THRB: variants seen among roughly 807,000 people sequenced by gnomAD.
THRB encodes nuclear receptor subfamily 1 group A member 2.
Under a neutral mutation model 47.8 loss-of-function variants are expected in THRB, and 12 were observed. The ratio of observed to expected loss-of-function variants is 0.25; its 90% CI spans 0.16 to 0.41. The LOEUF (loss-of-function observed/expected upper bound fraction) is 0.41, where lower values mean the gene tolerates loss of function less well. Ranked by LOEUF, THRB falls within the 10% of genes least tolerant of loss-of-function variation. The probability of loss-of-function intolerance (pLI) is 1.00; values close to 1 mark genes in which losing one functional copy is unlikely to be tolerated. For missense variants in THRB, 348 were observed against 589.2 expected, an observed-to-expected ratio of 0.59 and a Z score of 4.24; for synonymous variants, 218 against 212.2, an observed-to-expected ratio of 1.03 and a Z score of -0.24.
intron 1 of THRB, among the ~76,000 whole-genome samples, chr3:24,412,334 T>C (rs2068370291): frequency 6.6e-6 from 1 of 151,812 alleles, no homozygotes; most frequent in Non-Finnish European, 1.5e-5. Context: ...TGTGATAAAA[T>C]ACATGTCTTC....
intron 5 of THRB, among the ~76,000 whole-genome samples, chr3:24,156,305 A>T (rs1326213020): frequency 6.6e-6 from 1 of 152,204 alleles, no homozygotes; most frequent in Non-Finnish European, 1.5e-5. Flanking sequence ...GGCTAGTTTA[A>T]TTCTTTTGAG....
intron 2 of THRB, among the ~76,000 whole-genome samples, chr3:24,299,197 G>A (rs2056707997): frequency 7.1e-6 from 1 of 141,650 alleles, no homozygotes. Context: ...GCAGTGAGCC[G>A]AGATAGTGCC....
At chr3:24,171,133 G>A (rs372586447) in intron 5 of THRB, among the ~76,000 whole-genome samples, 4 of 152,294 alleles carry the variant, frequency 2.6e-5, no homozygotes, top group African/African-American at 4.8e-5. Flanking sequence ...TACTCAAATT[G>A]AGGAAAGTTT....
intron 1 of THRB, among the ~76,000 whole-genome samples, chr3:24,491,026 G>C (rs1334227243): frequency 6.6e-6 from 1 of 152,100 alleles, no homozygotes; most frequent in Non-Finnish European, 1.5e-5. Context: ...TATTTCATAC[G>C]AGTATATACT....
intron 9 of THRB, among the ~76,000 whole-genome samples, chr3:24,129,066 G>A (rs1319086579): frequency 6.6e-6 from 1 of 151,862 alleles, no homozygotes; most frequent in African/African-American, 2.4e-5. Context: ...AAAATACTGG[G>A]CATTTTATGT....
intron 1 of THRB, among the ~76,000 whole-genome samples, chr3:24,386,951 A>G (rs1408805590): frequency 6.6e-6 from 1 of 152,142 alleles, no homozygotes; most frequent in Non-Finnish European, 1.5e-5. Flanking sequence ...CATTCATATT[A>G]GCTATTATTG....
At chr3:24,357,101 C>T (rs2063721944) in intron 1 of THRB, among the ~76,000 whole-genome samples, 3 of 150,078 alleles carry the variant, frequency 2.0e-5, no homozygotes, top group South Asian at 2.1e-4. Flanking sequence ...AGGCACCTGA[C>T]CTGAAGATTG....
chr3:24,175,084 A>G (rs2040966767), intron 5 of THRB, among the ~76,000 whole-genome samples: 1 of 152,236 alleles, frequency 6.6e-6, no homozygotes, highest in Non-Finnish European at 1.5e-5. Context: ...CATGTCAGAC[A>G]AGGGAATTTA....
intron 2 of THRB, among the ~76,000 whole-genome samples, chr3:24,327,951 C>T (rs183872083): frequency 1.7e-3 from 266 of 152,150 alleles, no homozygotes; most frequent in Admixed American, 2.9e-3. Flanking sequence ...AAAAAGAGTT[C>T]TTAAAAATCA....
intron 2 of THRB, among the ~76,000 whole-genome samples, chr3:24,306,769 C>A (rs2057369049): frequency 6.6e-6 from 1 of 152,110 alleles, no homozygotes; most frequent in South Asian, 2.1e-4. Context: ...GATACACAAC[C>A]CTGTAACCAC....
intron 1 of THRB, among the ~76,000 whole-genome samples, chr3:24,392,742 T>C (rs1003611974): frequency 1.9e-4 from 29 of 152,150 alleles, no homozygotes; most frequent in African/African-American, 7.0e-4. Flanking sequence ...GTTATAGTTA[T>C]ATGAGTAACA....
At chr3:24,289,146 C>T (rs2055654904) in intron 3 of THRB, among the ~76,000 whole-genome samples, 1 of 152,268 alleles carries the variant, frequency 6.6e-6, no homozygotes, top group African/African-American at 2.4e-5. Context: ...GGCAAGTGGA[C>T]AGACGAGGGC....
chr3:24,148,448 G>C (rs1238503460), intron 6 of THRB, among the ~76,000 whole-genome samples: 1 of 152,128 alleles, frequency 6.6e-6, no homozygotes, highest in Non-Finnish European at 1.5e-5. Flanking sequence ...TTTTAGTAGA[G>C]ATGCGTTTTT....
intron 1 of THRB, among the ~76,000 whole-genome samples, chr3:24,385,102 T>A (rs1341852703): frequency 6.6e-6 from 1 of 151,970 alleles, no homozygotes; most frequent in African/African-American, 2.4e-5. Flanking sequence ...GCAATCTGAT[T>A]GTCATTTCTA....
chr3:24,214,323 C>T (rs1479496349), intron 4 of THRB, among the ~76,000 whole-genome samples: 1 of 152,072 alleles, frequency 6.6e-6, no homozygotes, highest in African/African-American at 2.4e-5. Flanking sequence ...ATTATGTGCC[C>T]CTTTTCTCCC....
chr3:24,418,452 C>T (rs1334759780), intron 1 of THRB, among the ~76,000 whole-genome samples: 1 of 151,864 alleles, frequency 6.6e-6, no homozygotes, highest in African/African-American at 2.4e-5. Flanking sequence ...CAAACCCCTA[C>T]TGAATTCCAA....
At chr3:24,337,603 G>A (rs1028464234) in intron 1 of THRB, among the ~76,000 whole-genome samples, 1 of 152,198 alleles carries the variant, frequency 6.6e-6, no homozygotes, top group Admixed American at 6.5e-5. Flanking sequence ...TTACAGGCAT[G>A]GGACAACTTT....
At chr3:24,448,500 C>G (rs149223194) in intron 1 of THRB, among the ~76,000 whole-genome samples, 1 of 152,078 alleles carries the variant, frequency 6.6e-6, no homozygotes, top group Non-Finnish European at 1.5e-5. Context: ...AGCTACAATA[C>G]ACAGATAAGC....
At chr3:24,489,510 G>C (rs1456336008) in intron 1 of THRB, among the ~76,000 whole-genome samples, 4 of 152,170 alleles carry the variant, frequency 2.6e-5, no homozygotes, top group Non-Finnish European at 5.9e-5. Flanking sequence ...AGGACTGACT[G>C]TCATGATGGA....
Sources: gnomAD v4.1 joint callset for allele counts (sites outside exome capture counted in the v4.1 genomes callset) on GRCh38, gnomAD v4.1.1 for gene constraint, MANE v1.5 for transcripts, NCBI Gene and HGNC (gene_info 2026-07-23, HGNC 2026-07-21) for gene names.